COG5: variants seen among roughly 807,000 people sequenced by gnomAD.
COG5 encodes the protein component of oligomeric golgi complex 5.
A neutral mutation model predicts 110.4 loss-of-function variants in COG5; 86 were observed. The observed-to-expected ratio is 0.78, with a 90% CI of 0.65 to 0.93. COG5 has a LOEUF of 0.93. COG5 is among the 40% of genes least tolerant of loss of function. The probability of loss-of-function intolerance (pLI) is 0.00; values close to 1 mark genes in which losing one functional copy is unlikely to be tolerated. For synonymous variants in COG5, 360 were observed against 334.6 expected (o/e 1.08, Z -0.83); for missense variants, 1,077 against 987.0 (o/e 1.09, Z -1.22).
At chr7:107,403,830 G>A (rs1456074839) in intron 7 of COG5, among the ~76,000 whole-genome samples, 1 of 152,050 alleles carries the variant, frequency 6.6e-6, no homozygotes, top group Non-Finnish European at 1.5e-5. Context: ...ATTTAAGGAG[G>A]ATGCATTGGG....
chr7:107,354,467 A>G (rs1432123325), intron 10 of COG5, among the ~76,000 whole-genome samples: 4 of 152,162 alleles, frequency 2.6e-5, no homozygotes, highest in Admixed American at 2.6e-4. Flanking sequence ...TCATGAGGTC[A>G]GGAGTTCGAG....
chr7:107,464,428 C>A (rs993159975), intron 6 of COG5, among the ~76,000 whole-genome samples: 1 of 152,122 alleles, frequency 6.6e-6, no homozygotes, highest in African/African-American at 2.4e-5. Flanking sequence ...CATTTCCACC[C>A]CTCACTGCTT....
intron 13 of COG5, 77 bp from the exon 14 acceptor site, chr7:107,281,476 A>T (rs1375674388): frequency 9.5e-7 from 1 of 1,047,484 alleles, no homozygotes; most frequent in African/African-American, 1.6e-5. Context: ...TAAAAACTCA[A>T]ACCCAATAAG....
chr7:107,432,048 G>A (rs955563071), intron 6 of COG5, among the ~76,000 whole-genome samples: 6 of 152,156 alleles, frequency 3.9e-5, no homozygotes, highest in African/African-American at 1.4e-4. Flanking sequence ...GTGTGTGTGT[G>A]CATGAACATT....
intron 7 of COG5, among the ~76,000 whole-genome samples, chr7:107,407,781 C>A (rs1791967174): frequency 6.6e-6 from 1 of 151,610 alleles, no homozygotes; most frequent in Non-Finnish European, 1.5e-5. Flanking sequence ...TAACTGTGTT[C>A]AAAGAATATT....
At chr7:107,509,892 G>C (rs1799366175) in intron 6 of COG5, among the ~76,000 whole-genome samples, 1 of 152,074 alleles carries the variant, frequency 6.6e-6, no homozygotes, top group Non-Finnish European at 1.5e-5. Flanking sequence ...AAGAGCTCCT[G>C]AAAGAAGCAC....
At position 107,201,433 on chromosome 7, in the gene COG5, C is replaced by A. The variant is rs1666278542; in HGVS notation, c.*2083G>T. On this transcript the variant is annotated 3_prime_UTR_variant, in exon 22 of 22. Coordinates refer to ENST00000297135, the MANE Select transcript of COG5 (RefSeq NM_006348.5). ...CCACAGGGCTCACAACAACATTAAA[C>A]CAGGATGCTTATGTTCTTAAGTCTA... 2 of 1,573,232 alleles carry A rather than the reference C, an allele frequency of 1.3e-6. No individual in the cohort carries two copies. The highest frequency in any genetic ancestry group is 8.7e-7 in the Non-Finnish European group (1 of 1,144,408).
chr7:107,264,592 C>A (rs1265888249), intron 14 of COG5, among the ~76,000 whole-genome samples: 2 of 151,974 alleles, frequency 1.3e-5, no homozygotes, highest in African/African-American at 4.8e-5. Context: ...ACTTGCGAGG[C>A]TAAGGTGTGA....
chr7:107,399,185 G>C (rs1040307583), intron 7 of COG5, among the ~76,000 whole-genome samples: 1 of 151,924 alleles, frequency 6.6e-6, no homozygotes, highest in African/African-American at 2.4e-5. Context: ...CTGGGTGACA[G>C]AGCGAGACTC....
intron 7 of COG5, among the ~76,000 whole-genome samples, chr7:107,406,288 T>C (rs535586146): frequency 6.6e-6 from 1 of 152,312 alleles, no homozygotes; most frequent in East Asian, 1.9e-4. Flanking sequence ...ATGCAGATCA[T>C]TCTACACCTA....
At chr7:107,502,842 G>A (rs1212058507) in intron 6 of COG5, among the ~76,000 whole-genome samples, 4 of 152,050 alleles carry the variant, frequency 2.6e-5, no homozygotes, top group Non-Finnish European at 4.4e-5. Flanking sequence ...CATGTCATTT[G>A]CCCACTTTTT....
chr7:107,286,684 C>T (rs943213881), intron 12 of COG5, among the ~76,000 whole-genome samples: 1 of 152,158 alleles, frequency 6.6e-6, no homozygotes, highest in Non-Finnish European at 1.5e-5. Flanking sequence ...AACCACTGGC[C>T]GTGACCTTTC....
At chr7:107,319,668 T>C (rs1458152809) in intron 11 of COG5, among the ~76,000 whole-genome samples, 1 of 152,244 alleles carries the variant, frequency 6.6e-6, no homozygotes, top group Non-Finnish European at 1.5e-5. Context: ...CCTTTCCATG[T>C]AGGGAAGTAA....
intron 18 of COG5, among the ~76,000 whole-genome samples, chr7:107,230,909 T>A (rs987099605): frequency 1.1e-5 from 1 of 93,560 alleles, no homozygotes; most frequent in Non-Finnish European, 1.9e-5. Context: ...AATTCCTTCA[T>A]GAAAATAAAA....
At chr7:107,234,636 G>A (rs1248659134) in intron 18 of COG5, among the ~76,000 whole-genome samples, 2 of 152,182 alleles carry the variant, frequency 1.3e-5, no homozygotes, top group African/African-American at 4.8e-5. Flanking sequence ...CTCCAGGAAA[G>A]TGACTCAAGA....
intron 12 of COG5, among the ~76,000 whole-genome samples, chr7:107,284,217 C>G (rs1183910009): frequency 6.6e-6 from 1 of 152,202 alleles, no homozygotes; most frequent in East Asian, 1.9e-4. Flanking sequence ...AGCAACCGTG[C>G]CCGGCCTATA....
intron 16 of COG5, among the ~76,000 whole-genome samples, chr7:107,254,299 C>T (rs532979656): frequency 9.2e-5 from 14 of 152,192 alleles, no homozygotes; most frequent in South Asian, 6.2e-4. Context: ...ATTTATACAT[C>T]GTAACTCTCT....
At chr7:107,385,324 T>G (rs577195233) in intron 7 of COG5, among the ~76,000 whole-genome samples, 1 of 152,202 alleles carries the variant, frequency 6.6e-6, no homozygotes, top group African/African-American at 2.4e-5. Flanking sequence ...ACGTTTCTAT[T>G]GTTTTAAGCC....
chr7:107,210,499 G>A (rs747546462), intron 21 of COG5, 27 bp downstream of exon 21: 1 of 1,576,524 alleles, frequency 6.3e-7, no homozygotes, highest in Non-Finnish European at 8.6e-7. Context: ...CAGACCAGAT[G>A]GGTGCCCCCA....
Sources: gnomAD v4.1 joint callset for allele counts (sites outside exome capture counted in the v4.1 genomes callset) on GRCh38, gnomAD v4.1.1 for gene constraint, MANE v1.5 for transcripts, NCBI Gene and HGNC (gene_info 2026-07-23, HGNC 2026-07-21) for gene names.